The following POU2F2 variants were observed in gnomAD, a reference collection of about 807,000 sequenced individuals.
POU2F2 encodes POU domain, class 2, transcription factor 2.
POU2F2 carries 14 observed loss-of-function variants against 63.5 expected under a neutral mutation model. The ratio of observed to expected loss-of-function variants is 0.22; its 90% confidence interval spans 0.15 to 0.34. The LOEUF is 0.34. Among genes scored for constraint, POU2F2 ranks in the 10% least tolerant of loss-of-function variants. The probability of loss-of-function intolerance (pLI) is 1.00; values close to 1 mark genes in which losing one functional copy is unlikely to be tolerated. For missense variants in POU2F2, 607 were observed against 815.2 expected, an observed-to-expected ratio of 0.74 and a Z score of 3.11; for synonymous variants, 306 against 348.6, an observed-to-expected ratio of 0.88 and a Z score of 1.36.
At chr19:42,130,868 A>G (rs929732888) in intron 1 of POU2F2, among the ~76,000 whole-genome samples, 5 of 141,654 alleles carry the variant, frequency 3.5e-5, no homozygotes, top group Non-Finnish European at 7.7e-5. Flanking sequence ...TCCTGGCCCA[A>G]CCCCTCTACC....
At chr19:42,133,445 G>T (rs1322083203), upstream of POU2F2, 1 of 154,630 alleles carries the variant, frequency 6.5e-6, no homozygotes, top group East Asian at 1.9e-4. The surrounding 1 kb of genome is among the most constrained non-coding windows in gnomAD (Gnocchi z 5.1). Flanking sequence ...CTTCCTCTTG[G>T]TGCCCGAGGT....
intron 1 of POU2F2, among the ~76,000 whole-genome samples, chr19:42,125,257 T>C (rs2033083159): frequency 6.6e-6 from 1 of 151,414 alleles, no homozygotes; most frequent in Admixed American, 6.6e-5. Context: ...AGCTACTCAG[T>C]AGGCTGAGAT....
upstream of POU2F2, among the ~76,000 whole-genome samples, chr19:42,197,030 C>A (rs1214121074): frequency 1.3e-5 from 2 of 152,204 alleles, no homozygotes; most frequent in Non-Finnish European, 2.9e-5. Context: ...AGGAGACAAG[C>A]CAGGGGCTAG....
At chr19:42,149,297 G>A (rs558190777) in intron 2 of POU2F2, among the ~76,000 whole-genome samples, 21 of 152,092 alleles carry the variant, frequency 1.4e-4, no homozygotes, top group Non-Finnish European at 2.8e-4. Flanking sequence ...AACTTCCCTA[G>A]ACACTGACAC....
chr19:42,093,707 C>CA (rs765419150), intron 12 of POU2F2, 122 bp downstream of exon 12: 73 of 978,662 alleles, frequency 7.5e-5, no homozygotes, highest in Non-Finnish European at 1.0e-4. Flanking sequence ...CCCATTCCCC[C>CA]ACCCACACTC....
chr19:42,148,312 G>A (rs760253538), intron 2 of POU2F2, among the ~76,000 whole-genome samples: 3 of 152,094 alleles, frequency 2.0e-5, no homozygotes, highest in South Asian at 2.1e-4. Flanking sequence ...TTTGTTTGAC[G>A]GTAATGCCAA....
intron 5 of POU2F2, among the ~76,000 whole-genome samples, chr19:42,113,520 G>T (rs1055966312): frequency 6.6e-6 from 1 of 152,236 alleles, no homozygotes; most frequent in Non-Finnish European, 1.5e-5. Flanking sequence ...AGGGCTGGAA[G>T]GGGGGCTTTT....
chr19:42,098,126 T>C (rs2076993093), intron 7 of POU2F2, among the ~76,000 whole-genome samples: 1 of 152,034 alleles, frequency 6.6e-6, no homozygotes, highest in Admixed American at 6.6e-5. Context: ...AAAACCTACA[T>C]AGGCAGCCAG....
intron 5 of POU2F2, among the ~76,000 whole-genome samples, chr19:42,116,312 T>C (rs2031852090): frequency 6.6e-6 from 1 of 152,238 alleles, no homozygotes; most frequent in Middle Eastern, 3.4e-3. Flanking sequence ...ACGATGAGGG[T>C]AGGGCACTCA....
rs2034968713 is a variant in POU2F2 at position 42,182,215 on chromosome 19, G to A, written c.-70+14168C>T. Among the ~76,000 whole-genome samples the A allele has an allele frequency of 2.0e-5, 3 of 150,938 alleles. No homozygotes were observed. In the South Asian group the frequency reaches 6.3e-4, roughly 32 times the overall value. On this transcript the variant is annotated intron_variant, in intron 1 of 5. Transcript: ENST00000532176. ...CAAGATTGTTCCACTGCACTGCCCT[G>A]GGCGATAGAGCAAGACTCTGTCTCA...
intron 5 of POU2F2, among the ~76,000 whole-genome samples, chr19:42,113,204 T>A (rs76534507): frequency 1.3e-5 from 2 of 152,142 alleles, no homozygotes; most frequent in Non-Finnish European, 2.9e-5. Context: ...CTCTCCAATA[T>A]AAAATGATGT....
At position 42,162,308 on chromosome 19, in the gene POU2F2, G is replaced by A. The variant is rs1020646819; in HGVS notation, c.-69-1916C>T. On this transcript the variant is annotated intron_variant, in intron 1 of 6. Transcript: ENST00000524801. The surrounding 1 kb of genome is among the most constrained non-coding windows in gnomAD (Gnocchi z 4.1). ...AAACCCCAATATGCCCTCCGACAGA[G>A]GGGAGAGGATCCCTCTCCCAAGCAG... 6.6e-6 allele frequency among the ~76,000 whole-genome samples: 1 copy of A among 152,068 alleles called. No individual in the cohort carries two copies. Among genetic ancestry groups the A allele is most frequent in the Non-Finnish European group, 1.5e-5 (1 of 68,012 alleles).
intron 1 of POU2F2, among the ~76,000 whole-genome samples, chr19:42,127,387 T>TC (rs2033303947): frequency 6.6e-6 from 1 of 151,852 alleles, no homozygotes; most frequent in African/African-American, 2.4e-5. Context: ...TGTTTTCTTT[T>TC]CTTTTTTTTT....
In POU2F2 at chr19:42,092,409, C is replaced by T; in HGVS notation, c.1265-139G>A. ...TCAGAACAGCCTTAGACCTCCCTGC[C>T]CTCTCTTCCCAGAGTCATTTCCCTG... On this transcript the variant is annotated intron_variant, in intron 12 of 14. Transcript: ENST00000692977. The surrounding 1 kb of genome is among the most constrained non-coding windows in gnomAD (Gnocchi z 5.0). 1.4e-6 allele frequency: 1 copy of T among 696,694 alleles called. No individual in the cohort carries two copies. The allele number at this position is 696,694 out of a possible 1,614,324, so 43.2% of individuals were successfully genotyped here. A position where few individuals can be genotyped will look rare whatever the true frequency, so the allele number is the denominator to read the frequency against.
chr19:42,174,476 A>T lies in POU2F2; in HGVS notation c.-70+1487T>A, dbSNP rs959778169. Among the ~76,000 whole-genome samples the T allele has an allele frequency of 1.3e-5, 2 of 151,978 alleles. 1 individual carries two copies. The highest frequency in any genetic ancestry group is 4.1e-4 in the South Asian group (2 of 4,830). On this transcript the variant is annotated intron_variant, in intron 1 of 6. Transcript: ENST00000524801. ...CCTGAATGCACACATAGCGAGTGAT[A>T]CATAAACATCAGGACGAGGGAGAGA...
At chr19:42,098,575 A>G (rs141301153) in intron 7 of POU2F2, among the ~76,000 whole-genome samples, 2 of 152,288 alleles carry the variant, frequency 1.3e-5, no homozygotes, top group East Asian at 3.9e-4. Flanking sequence ...AGGGACAAAG[A>G]AAAGTCATAC....
intron 7 of POU2F2, among the ~76,000 whole-genome samples, chr19:42,098,412 C>CAAA (rs1218709430): frequency 1.8e-5 from 1 of 56,310 alleles, no homozygotes; most frequent in African/African-American, 6.1e-5. Flanking sequence ...GACTCCATCT[C>CAAA]AAAAAAAAAA....
upstream of POU2F2, chr19:42,176,116 C>T (rs1056067420): frequency 2.6e-5 from 4 of 152,182 alleles, no homozygotes; most frequent in African/African-American, 9.7e-5. Context: ...GCCACCAGCC[C>T]TGACCCCCTC....
At chr19:42,127,246 T>C (rs1407010650) in intron 1 of POU2F2, among the ~76,000 whole-genome samples, 1 of 151,994 alleles carries the variant, frequency 6.6e-6, no homozygotes, top group Non-Finnish European at 1.5e-5. Flanking sequence ...TGAGCCACCA[T>C]GCCTGCACTT....
Sources: allele counts gnomAD v4.1 joint callset (sites outside exome capture counted in the v4.1 genomes callset), GRCh38; gene constraint gnomAD v4.1.1; non-coding constraint Gnocchi (gnomAD v3.1); transcripts MANE v1.5; gene names NCBI Gene and HGNC (gene_info 2026-07-23, HGNC 2026-07-21).